MFHAS1: variants seen among roughly 807,000 people sequenced by gnomAD.
The protein encoded by MFHAS1 is multifunctional ROCO family signaling regulator 1, also known as malignant fibrous histiocytoma-amplified sequence 1.
In MFHAS1, 50 loss-of-function variants were observed where a neutral mutation model predicts 70.4. That is an observed-to-expected ratio of 0.71 (90% CI 0.57 to 0.90). MFHAS1 has a LOEUF of 0.90. MFHAS1 is among the 40% of genes least tolerant of loss of function. The pLI is 0.00. For missense variants in MFHAS1, 1,795 were observed against 1,347.6 expected (o/e 1.33, Z -5.20); for synonymous variants, 952 against 620.0 (o/e 1.54, Z -7.96).
intron 2 of MFHAS1, among the ~76,000 whole-genome samples, chr8:8,791,083 G>C (rs149840974): frequency 7.5e-4 from 113 of 150,746 alleles, no homozygotes; most frequent in African/African-American, 2.5e-3. Context: ...CCTAAAAAAG[G>C]AGAAAGCTTA....
chr8:8,832,617 GAATTT>G (rs1238953263), intron 1 of MFHAS1, among the ~76,000 whole-genome samples: 1 of 138,820 alleles, frequency 7.2e-6, no homozygotes, highest in East Asian at 2.2e-4. Flanking sequence ...GATGCAACCA[GAATTT>G]TTTTCTTTTT....
chr8:8,784,880 A>T lies in MFHAS1; in HGVS notation c.*1142T>A, dbSNP rs980107463. On this transcript the variant is annotated 3_prime_UTR_variant, in exon 3 of 3. Transcript: ENST00000276282. Reference sequence around the variant, plus strand: ...TTTTACCTTGTGAAGATTTTAAAACAAGGGTATTACTAGTTCTTGGCAGGA... The same window carrying T: ...TTTTACCTTGTGAAGATTTTAAAACTAGGGTATTACTAGTTCTTGGCAGGA... 2.0e-5 allele frequency: 3 copies of T among 152,238 alleles called. No homozygotes were observed. Among genetic ancestry groups the T allele is most frequent in the Non-Finnish European group, 2.9e-5 (2 of 68,040 alleles). 9.4% of individuals were successfully genotyped at this position (152,238 alleles called of 1,614,324 possible).
chr8:8,890,116 G>T lies in MFHAS1; in HGVS notation c.2943C>A (p.His981Gln). ...QEWPGLHYTVHILCSKCLKRG... is the reference protein window; with the variant it reads ...QEWPGLHYTVQILCSKCLKRG... ...TCTTAAGGCACTTAGAACAGAGAAT[G>T]TGCACGGTGTAGTGCAGTCCAGGCC... Residue 981 changes from histidine to glutamine, a missense_variant, in exon 1 of 3, where the codon CAC becomes CAA. His to Gln is a conservative substitution (Grantham distance 24). Transcript: ENST00000276282. The T allele has an allele frequency of 3.1e-6, 5 of 1,613,944 alleles. No homozygotes were observed. The highest frequency in any genetic ancestry group is 4.2e-6 in the Non-Finnish European group (5 of 1,179,920).
At chr8:8,843,659 G>T (rs907781401) in intron 1 of MFHAS1, among the ~76,000 whole-genome samples, 1 of 152,174 alleles carries the variant, frequency 6.6e-6, no homozygotes, top group Non-Finnish European at 1.5e-5. Context: ...AGAAAAAGAA[G>T]AAAGTGAAAG....
intron 1 of MFHAS1, among the ~76,000 whole-genome samples, chr8:8,856,039 G>A (rs1165822887): frequency 1.3e-5 from 2 of 152,128 alleles, no homozygotes; most frequent in South Asian, 2.1e-4. Context: ...CTTTGAAAGC[G>A]AGCGGGGACT....
intron 1 of MFHAS1, among the ~76,000 whole-genome samples, chr8:8,886,955 C>A (rs36045355): frequency 6.6e-6 from 1 of 151,998 alleles, no homozygotes; most frequent in East Asian, 1.9e-4. Flanking sequence ...GCGAAACCCC[C>A]GCCTCTACTA....
intron 1 of MFHAS1, among the ~76,000 whole-genome samples, chr8:8,843,928 T>TA (rs1285755321): frequency 1.3e-5 from 2 of 152,184 alleles, no homozygotes; most frequent in Non-Finnish European, 2.9e-5. Flanking sequence ...GACAAAATAT[T>TA]AAAAAATAGC....
intron 1 of MFHAS1, among the ~76,000 whole-genome samples, chr8:8,800,687 T>C (rs1806055713): frequency 6.6e-6 from 1 of 152,154 alleles, no homozygotes; most frequent in Admixed American, 6.5e-5. Context: ...CCTAAAATCA[T>C]CCCCAGGGCT....
chr8:8,825,233 C>T (rs868348226), intron 1 of MFHAS1, among the ~76,000 whole-genome samples: 5 of 152,156 alleles, frequency 3.3e-5, no homozygotes, highest in African/African-American at 9.7e-5. Flanking sequence ...AGTACAGTGG[C>T]GCAATCTCTG....
chr8:8,851,229 AGTCTTGGGT>A (rs1808237951), intron 1 of MFHAS1, among the ~76,000 whole-genome samples: 1 of 152,138 alleles, frequency 6.6e-6, no homozygotes, highest in African/African-American at 2.4e-5. Flanking sequence ...CAGTTTATTT[AGTCTTGGGT>A]GTCTTATAAA....
At chr8:8,859,383 G>C (rs1808577164) in intron 1 of MFHAS1, among the ~76,000 whole-genome samples, 1 of 152,140 alleles carries the variant, frequency 6.6e-6, no homozygotes, top group African/African-American at 2.4e-5. Context: ...TTTCCTAACT[G>C]TGGAACTTCT....
chr8:8,809,591 G>T (rs888133691), intron 1 of MFHAS1, among the ~76,000 whole-genome samples: 1 of 152,162 alleles, frequency 6.6e-6, no homozygotes, highest in East Asian at 1.9e-4. Context: ...CTCGCTAAGG[G>T]TTTATATAAA....
intron 1 of MFHAS1, among the ~76,000 whole-genome samples, chr8:8,799,007 C>G (rs923873869): frequency 7.9e-5 from 12 of 151,764 alleles, no homozygotes; most frequent in Non-Finnish European, 1.8e-4. Context: ...CAGATTGCGC[C>G]ACTGCACTCC....
Position 8,892,933 on chromosome 8 carries a change from C to T in MFHAS1, c.126G>A (p.Gly42=), listed in dbSNP as rs1376172526. ...LTLTAAGACP[G]AGADALESPA... ...GGGACTCGAGCGCGTCGGCCCCGGCCCCGGGGCAGGCCCCGGCGGCGGTAA... is the reference window on the plus strand; with the variant it reads ...GGGACTCGAGCGCGTCGGCCCCGGCTCCGGGGCAGGCCCCGGCGGCGGTAA... The change falls in exon 1 of 3, where the codon GGG becomes GGA. Residue 42 remains glycine (G), a synonymous_variant. Coordinates refer to ENST00000276282, the MANE Select transcript of MFHAS1 (RefSeq NM_004225.3). The surrounding 1 kb of genome is among the most constrained non-coding windows in gnomAD (Gnocchi z 4.7). 3.9e-6 allele frequency: 6 copies of T among 1,551,104 alleles called. No homozygotes were observed. Among genetic ancestry groups the T allele is most frequent in the Non-Finnish European group, 5.2e-6 (6 of 1,151,852 alleles).
chr8:8,852,143 T>C (rs959023144), intron 1 of MFHAS1, among the ~76,000 whole-genome samples: 2 of 151,790 alleles, frequency 1.3e-5, no homozygotes, highest in East Asian at 3.9e-4. Context: ...GTTTCAGGAG[T>C]GCCAAGCAAG....
rs1809974357 is a variant in MFHAS1, at chr8:8,890,747, G to C, written c.2312C>G (p.Ala771Gly). The C allele has an allele frequency of 6.2e-7, 1 of 1,613,610 alleles. No homozygotes were observed. The highest frequency in any genetic ancestry group is 1.3e-5 in the African/African-American group (1 of 74,946). The change falls in exon 1 of 3, where the codon GCG becomes GGG. Residue 771 changes from alanine to glycine, a missense_variant. Transcript: ENST00000276282. ...CAGTTCCTGGCTGGGGGTGGACCGC[G>C]CCATGGGCGGGGAGCTTTCCCCCTC... is the stretch of plus-strand genomic sequence containing the variant. ...KAEGESSPPM[A>G]RSTPSQELLR...
chr8:8,858,364 T>C (rs1376580666), intron 1 of MFHAS1, among the ~76,000 whole-genome samples: 1 of 152,174 alleles, frequency 6.6e-6, no homozygotes, highest in Non-Finnish European at 1.5e-5. Flanking sequence ...TATAACATTA[T>C]TACCCTTTGA....
chr8:8,847,065 G>T (rs1450319126), intron 1 of MFHAS1, among the ~76,000 whole-genome samples: 1 of 152,144 alleles, frequency 6.6e-6, no homozygotes, highest in Non-Finnish European at 1.5e-5. Flanking sequence ...AAAAACAATT[G>T]TCTTAGATTT....
At chr8:8,876,323 T>C (rs147402220) in intron 1 of MFHAS1, among the ~76,000 whole-genome samples, 74 of 152,240 alleles carry the variant, frequency 4.9e-4, no homozygotes, top group Middle Eastern at 3.4e-3. Flanking sequence ...AAACAAAATA[T>C]AACCTAAGAC....
Sources: gnomAD v4.1 joint callset for allele counts (sites outside exome capture counted in the v4.1 genomes callset) on GRCh38, gnomAD v4.1.1 for gene constraint, Gnocchi (gnomAD v3.1) non-coding constraint, MANE v1.5 for transcripts, NCBI Gene and HGNC (gene_info 2026-07-23, HGNC 2026-07-21) for gene names.